The following RAB38 variants were observed in gnomAD, a reference collection of about 807,000 sequenced individuals.
RAB38 encodes RAB38, member RAS oncogene family.
Under a neutral mutation model 18.4 loss-of-function variants are expected in RAB38, and 15 were observed. The ratio of observed to expected loss-of-function variants is 0.82; its 90% confidence interval spans 0.55 to 1.26. The LOEUF is 1.26. Among genes scored for constraint, RAB38 ranks in the 50% most tolerant of loss-of-function variants. The pLI is 0.00. For missense variants in RAB38, 294 were observed against 267.4 expected (o/e 1.10, Z -0.69); for synonymous variants, 101 against 104.4 (o/e 0.97, Z 0.20).
chr11:87,839,791 C>A, the RAB38 span, among the ~76,000 whole-genome samples: 7 of 152,226 alleles, frequency 4.6e-5, no homozygotes, highest in East Asian at 1.4e-3. Context: ...TCTCCAGCAC[C>A]ATCCATTCAT....
At chr11:87,868,119 G>C in the RAB38 span, among the ~76,000 whole-genome samples, 685 of 151,782 alleles carry the variant, frequency 4.5e-3, 5 homozygotes, top group Non-Finnish European at 7.4e-3. Flanking sequence ...TCTCATGTTG[G>C]AGTTTGATCC....
At chr11:87,887,040 A>C in the RAB38 span, among the ~76,000 whole-genome samples, 1 of 151,678 alleles carries the variant, frequency 6.6e-6, no homozygotes, top group Non-Finnish European at 1.5e-5. Flanking sequence ...TGGGAAAACA[A>C]CTCTCTTCCC....
intron 2 of RAB38, among the ~76,000 whole-genome samples, chr11:88,123,428 T>C (rs1025595652): frequency 3.3e-5 from 5 of 152,238 alleles, no homozygotes; most frequent in Non-Finnish European, 7.3e-5. Flanking sequence ...GGGTGATTTC[T>C]GCAGAAAGTA....
the RAB38 span, among the ~76,000 whole-genome samples, chr11:87,863,196 C>G: frequency 6.6e-6 from 1 of 151,772 alleles, no homozygotes; most frequent in Non-Finnish European, 1.5e-5. Flanking sequence ...AATATCAGTT[C>G]TGCAAAATAA....
the RAB38 span, among the ~76,000 whole-genome samples, chr11:88,013,630 A>G: frequency 1.1e-4 from 17 of 152,140 alleles, no homozygotes; most frequent in African/African-American, 4.1e-4. Flanking sequence ...AGGATGACAA[A>G]CTGTGAAATC....
At chr11:88,142,506 C>T (rs1942928386) in intron 2 of RAB38, among the ~76,000 whole-genome samples, 1 of 152,166 alleles carries the variant, frequency 6.6e-6, no homozygotes, top group Admixed American at 6.5e-5. Context: ...TTGCTTAAGT[C>T]CCTTTCCATA....
chr11:88,049,726 C>A, the RAB38 span, among the ~76,000 whole-genome samples: 1 of 152,218 alleles, frequency 6.6e-6, no homozygotes, highest in Non-Finnish European at 1.5e-5. Flanking sequence ...GATCCACCTA[C>A]GACCTTGTTG....
chr11:88,072,350 C>T, the RAB38 span, among the ~76,000 whole-genome samples: 1 of 152,042 alleles, frequency 6.6e-6, no homozygotes, highest in Non-Finnish European at 1.5e-5. Context: ...GTTTTCTAAT[C>T]TGAAACAACA....
the RAB38 span, among the ~76,000 whole-genome samples, chr11:88,042,730 G>A: frequency 6.6e-6 from 1 of 152,166 alleles, no homozygotes; most frequent in African/African-American, 2.4e-5. Context: ...AGAGTGCAGA[G>A]ACCTCATGGG....
chr11:88,041,287 C>T, the RAB38 span, among the ~76,000 whole-genome samples: 2 of 152,178 alleles, frequency 1.3e-5, no homozygotes, highest in Non-Finnish European at 2.9e-5. Flanking sequence ...ACTGCCCTTC[C>T]CCTCTGTAAT....
the RAB38 span, among the ~76,000 whole-genome samples, chr11:87,964,775 C>T: frequency 6.6e-6 from 1 of 152,088 alleles, no homozygotes; most frequent in African/African-American, 2.4e-5. Context: ...TATTTACAAT[C>T]ACACATGGAC....
chr11:87,848,355 C>T, the RAB38 span, among the ~76,000 whole-genome samples: 1 of 151,216 alleles, frequency 6.6e-6, no homozygotes, highest in Non-Finnish European at 1.5e-5. Context: ...CTTTCCCCCA[C>T]CTTCCAGGTC....
At chr11:87,868,603 GAGAGA>G in the RAB38 span, among the ~76,000 whole-genome samples, 2 of 72,976 alleles carry the variant, frequency 2.7e-5, no homozygotes, top group East Asian at 5.7e-4. Flanking sequence ...GAGAGAGAGA[GAGAGA>G]GAGAGAGAGA....
chr11:87,893,938 A>G, the RAB38 span, among the ~76,000 whole-genome samples: 3 of 151,660 alleles, frequency 2.0e-5, no homozygotes, highest in Non-Finnish European at 4.4e-5. Flanking sequence ...TTTTTTTGCT[A>G]TTTGTGAAAA....
At chr11:88,050,503 A>G in the RAB38 span, among the ~76,000 whole-genome samples, 1 of 152,212 alleles carries the variant, frequency 6.6e-6, no homozygotes, top group Non-Finnish European at 1.5e-5. Flanking sequence ...CTACGTACAC[A>G]TGCACTTTCC....
chr11:87,872,041 A>G, the RAB38 span, among the ~76,000 whole-genome samples: 2 of 151,568 alleles, frequency 1.3e-5, no homozygotes, highest in Admixed American at 6.6e-5. Flanking sequence ...GCTTTATAAT[A>G]TAGTGGTTAA....
intron 2 of RAB38, among the ~76,000 whole-genome samples, chr11:88,130,938 AG>A (rs1352476976): frequency 1.3e-5 from 2 of 152,180 alleles, no homozygotes; most frequent in Non-Finnish European, 2.9e-5. Flanking sequence ...ATTGTTGGTA[AG>A]TATAAATTAG....
chr11:88,017,724 T>TA, the RAB38 span, among the ~76,000 whole-genome samples: 2 of 145,174 alleles, frequency 1.4e-5, no homozygotes, highest in East Asian at 3.9e-4. Flanking sequence ...ATAATATATA[T>TA]TATATATATA....
chr11:87,943,550 C>T, the RAB38 span, among the ~76,000 whole-genome samples: 5 of 152,190 alleles, frequency 3.3e-5, no homozygotes, highest in East Asian at 9.7e-4. Context: ...CTCATTTTCT[C>T]GCCCATCTTG....
Sources: allele counts gnomAD v4.1 joint callset (sites outside exome capture counted in the v4.1 genomes callset), GRCh38; gene constraint gnomAD v4.1.1; transcripts MANE v1.5; gene names NCBI Gene and HGNC (gene_info 2026-07-23, HGNC 2026-07-21).